PLCG1: variants seen among roughly 807,000 people sequenced by gnomAD.
PLCG1 encodes the protein phospholipase C gamma 1.
Under a neutral mutation model 177.8 loss-of-function variants are expected in PLCG1, and 71 were observed. That is an observed-to-expected ratio of 0.40 (90% CI 0.33 to 0.49). PLCG1 has a LOEUF of 0.49. PLCG1 is among the 20% of genes least tolerant of loss of function. The pLI, the probability that PLCG1 is intolerant of heterozygous loss-of-function variation, is 0.72. For synonymous variants in PLCG1, 658 were observed against 647.9 expected (o/e 1.02, Z -0.24); for missense variants, 1,281 against 1,709.0 (o/e 0.75, Z 4.42).
rs1176945561 is a variant in PLCG1 at position 41,172,013 on chromosome 20, G to C, written c.2809-180G>C. On this transcript the variant is annotated intron_variant, in intron 24 of 31. Transcript: ENST00000685551. The surrounding 1 kb of genome is among the most constrained non-coding windows in gnomAD (Gnocchi z 7.0). ...CAGAAAAGAGGAAAGATGATTTCAGGATGAGGCTGAGGACAGAGCTCCCTC... is the reference window on the plus strand; with the variant it reads ...CAGAAAAGAGGAAAGATGATTTCAGCATGAGGCTGAGGACAGAGCTCCCTC... 6.6e-6 allele frequency among the ~76,000 whole-genome samples: 1 copy of C among 152,236 alleles called. No homozygotes were observed. The highest frequency in any genetic ancestry group is 1.5e-5 in the Non-Finnish European group (1 of 68,048).
At chr20:41,155,003 C>G (rs1288398587) in intron 1 of PLCG1, among the ~76,000 whole-genome samples, 1 of 152,206 alleles carries the variant, frequency 6.6e-6, no homozygotes, top group Non-Finnish European at 1.5e-5. Context: ...CCAGAAGCTC[C>G]GCTCTGAGTA....
chr20:41,159,614 C>T lies in PLCG1; in HGVS notation c.226C>T (p.Arg76Cys), dbSNP rs1470821503. The change falls in exon 2 of 32, where the codon CGT becomes TGT. Residue 76 changes from arginine (R) to cysteine (C), a missense_variant. By Grantham distance (180) the Arg-to-Cys change is radical (BLOSUM62 -3). Transcript: ENST00000685551. The surrounding 1 kb of genome is among the most constrained non-coding windows in gnomAD (Gnocchi z 6.0). Reference sequence around the variant, plus strand: ...CTTTGCTACCTTCCTAGTTGACATTCGTGAAATTAAGGAGATCCGCCCAGG... The same window carrying T: ...CTTTGCTACCTTCCTAGTTGACATTTGTGAAATTAAGGAGATCCGCCCAGG... ...ADKIEGAIDI[R>C]EIKEIRPGKT... is the part of the protein sequence containing the mutation. 16 of 1,613,986 alleles carry T rather than the reference C, an allele frequency of 9.9e-6. No homozygotes were observed. The highest frequency in any genetic ancestry group is 1.7e-4 in the Middle Eastern group (1 of 6,004).
In PLCG1 at chr20:41,167,160, T is replaced by A. The variant is rs1377825960; in HGVS notation, c.2301+301T>A. Among the ~76,000 whole-genome samples, 1 of 152,160 alleles carries A rather than the reference T, an allele frequency of 6.6e-6. No homozygotes were observed. Among genetic ancestry groups the A allele is most frequent in the Non-Finnish European group, 1.5e-5 (1 of 68,020 alleles). Reference sequence around the variant, plus strand: ...GAGAGGTGCACACAGTGGAAACTCATCCACCTGGGCTTGGCCTGGACTCTG... The same window carrying A: ...GAGAGGTGCACACAGTGGAAACTCAACCACCTGGGCTTGGCCTGGACTCTG... On this transcript the variant is annotated intron_variant, in intron 19 of 31. Transcript: ENST00000685551. The surrounding 1 kb of genome is among the most constrained non-coding windows in gnomAD (Gnocchi z 4.4).
chr20:41,172,416 C>T lies in PLCG1; in HGVS notation c.2906-5C>T. On this transcript the variant is annotated splice_region_variant and splice_polypyrimidine_tract_variant and intron_variant, in intron 25 of 31. Transcript: ENST00000685551. This position sits in a 1 kb window ranked among gnomAD's most constrained non-coding sequence, Gnocchi z 7.0. ...CTCTGTAAGTGTTTTCCCTGTTTGG[C>T]CCAGAGATTGGCACAGAACGTGCTT... 6.2e-7 allele frequency: 1 copy of T among 1,613,316 alleles called. No homozygotes were observed. Among genetic ancestry groups the T allele is most frequent in the Non-Finnish European group, 8.5e-7 (1 of 1,179,264 alleles).
In PLCG1 at chr20:41,173,718, T is replaced by C; in HGVS notation, c.3461T>C (p.Phe1154Ser). The part of the protein sequence containing the change: ...PFHFQISNPE[F>S]AFLRFVVYEE... Reference sequence around the variant, plus strand: ...CACTTCCAGATCAGTAACCCTGAATTTGCCTTTCTGCGCTTCGTGGTGTAT... The same window carrying C: ...CACTTCCAGATCAGTAACCCTGAATCTGCCTTTCTGCGCTTCGTGGTGTAT... Residue 1154 changes from phenylalanine to serine, a missense_variant, in exon 29 of 32, where the codon TTT becomes TCT. Coordinates refer to ENST00000685551, the MANE Select transcript of PLCG1 (RefSeq NM_002660.3). This position sits in a 1 kb window ranked among gnomAD's most constrained non-coding sequence, Gnocchi z 6.2. The C allele has an allele frequency of 1.2e-6, 2 of 1,614,150 alleles. No homozygotes were observed. The highest frequency in any genetic ancestry group is 4.5e-5 in the East Asian group (2 of 44,876).
chr20:41,169,777 T>C (rs2035833248), intron 23 of PLCG1: 2 of 576,744 alleles, frequency 3.5e-6, no homozygotes, highest in Non-Finnish European at 6.2e-6. Context: ...AAGTTGATGC[T>C]GCTGGTTGGC....
In PLCG1 at chr20:41,172,174, G is replaced by A; in HGVS notation, c.2809-19G>A. The A allele has an allele frequency of 6.3e-7, 1 of 1,591,126 alleles. No individual in the cohort carries two copies. The highest frequency in any genetic ancestry group is 8.6e-7 in the Non-Finnish European group (1 of 1,158,974). The stretch of plus-strand genomic sequence containing the variant: ...CAGGGCTGTAGCCTGGGGCTACAGG[G>A]CCTTGTGTGTGTCACCAGCTCACTG... On this transcript the variant is annotated intron_variant, in intron 24 of 31. Coordinates refer to ENST00000685551, the MANE Select transcript of PLCG1 (RefSeq NM_002660.3). This position sits in a 1 kb window ranked among gnomAD's most constrained non-coding sequence, Gnocchi z 7.0.
At position 41,160,761 on chromosome 20, in the gene PLCG1, A is replaced by G. The variant is rs927883990; in HGVS notation, c.512+608A>G. ...AGTGGCTGGATTTTGGCCATGTTGT[A>G]TTTTGAAGATAGCGCCAGAAAGAAT... On this transcript the variant is annotated intron_variant, in intron 4 of 31. Transcript: ENST00000685551. The surrounding 1 kb of genome is among the most constrained non-coding windows in gnomAD (Gnocchi z 5.5). 6.6e-6 allele frequency among the ~76,000 whole-genome samples: 1 copy of G among 152,162 alleles called. No homozygotes were observed. Among genetic ancestry groups the G allele is most frequent in the Non-Finnish European group, 1.5e-5 (1 of 68,040 alleles).
At position 41,159,760 on chromosome 20, in the gene PLCG1, T is replaced by TGGG; in HGVS notation, c.370+3_370+5dup. 1 of 1,613,956 alleles carries TGGG rather than the reference T, an allele frequency of 6.2e-7. No homozygotes were observed. The highest frequency in any genetic ancestry group is 2.2e-5 in the East Asian group (1 of 44,874). On this transcript the variant is annotated splice_region_variant and intron_variant, in intron 2 of 31. Transcript: ENST00000685551. The surrounding 1 kb of genome is among the most constrained non-coding windows in gnomAD (Gnocchi z 6.0). ...GCCTGAAAACGCTGAGCCTGCAAGG[T>TGGG]GGGAGTTAAGGGGGTAGAGGAGGTA...
In PLCG1 at chr20:41,170,127, G is replaced by A. The variant is rs1600672918; in HGVS notation, c.2666G>A (p.Gly889Asp). 6.2e-7 allele frequency: 1 copy of A among 1,613,110 alleles called. No individual in the cohort carries two copies. The highest frequency in any genetic ancestry group is 1.1e-5 in the South Asian group (1 of 90,948). ...PACQIAIRPEGKNNRLFVFSI... is the reference protein window; with the variant it reads ...PACQIAIRPEDKNNRLFVFSI... ...GCCCTCCCAGCCATCCGTCCTGAGG[G>A]CAAGAACAACCGGCTCTTCGTCTTC... The change falls in exon 24 of 32, where the codon GGC (glycine) becomes GAC (aspartate). Residue 889 changes from glycine (G) to aspartate (D), a missense_variant. By Grantham distance (94) the Gly-to-Asp change is moderately conservative. Transcript: ENST00000685551.
At position 41,159,592 on chromosome 20, in the gene PLCG1, T is replaced by C; in HGVS notation, c.218-14T>C. 1 of 1,613,062 alleles carries C rather than the reference T, an allele frequency of 6.2e-7. No individual in the cohort carries two copies. Among genetic ancestry groups the C allele is most frequent in the South Asian group, 1.1e-5 (1 of 91,010 alleles). The stretch of plus-strand genomic sequence containing the variant: ...GACCCCAGCTTGATCTTGGCCTCTT[T>C]GCTACCTTCCTAGTTGACATTCGTG... On this transcript the variant is annotated splice_polypyrimidine_tract_variant and intron_variant, in intron 1 of 31. Coordinates refer to ENST00000685551, the MANE Select transcript of PLCG1 (RefSeq NM_002660.3). The surrounding 1 kb of genome is among the most constrained non-coding windows in gnomAD (Gnocchi z 6.0).
At chr20:41,168,120 A>G (rs1373578839) in intron 20 of PLCG1, among the ~76,000 whole-genome samples, 191 bp downstream of exon 20, 3 of 152,090 alleles carry the variant, frequency 2.0e-5, no homozygotes, top group African/African-American at 4.8e-5. Flanking sequence ...CCCACTCCCT[A>G]GCCCCTACCC....
chr20:41,137,597 C>T lies in PLCG1; in HGVS notation c.-45C>T, dbSNP rs2034638536. ...CAGCCGCCGCCGTTGCGCTTGCTCC[C>T]GGGCGGTCCTGGCCTGTGCCGCCGC... On this transcript the variant is annotated 5_prime_UTR_variant, in exon 1 of 32. Transcript: ENST00000685551. The surrounding 1 kb of genome is among the most constrained non-coding windows in gnomAD (Gnocchi z 7.3). The T allele has an allele frequency of 8.4e-7, 1 of 1,192,874 alleles. No homozygotes were observed. 73.9% of individuals were successfully genotyped at this position (1,192,874 alleles called of 1,614,324 possible).
chr20:41,172,422 G>C lies in PLCG1; in HGVS notation c.2907G>C (p.Lys969Asn). Reference protein sequence around the residue: ...YCRPVPFDEEKIGTERACYRD... With the variant: ...YCRPVPFDEENIGTERACYRD... ...AAGTGTTTTCCCTGTTTGGCCCAGA[G>C]ATTGGCACAGAACGTGCTTGCTACC... The change falls in exon 26 of 32, where the codon AAG (lysine) becomes AAC (asparagine). Residue 969 changes from lysine to asparagine, a missense_variant and splice_region_variant. This residue lies in a region of PLCG1 where 723 missense variants were observed against 1,030.0 expected (regional missense o/e 0.70). Coordinates refer to ENST00000685551, the MANE Select transcript of PLCG1 (RefSeq NM_002660.3). This position sits in a 1 kb window ranked among gnomAD's most constrained non-coding sequence, Gnocchi z 7.0. 1 of 1,613,946 alleles carries C rather than the reference G, an allele frequency of 6.2e-7. No individual in the cohort carries two copies. Among genetic ancestry groups the C allele is most frequent in the South Asian group, 1.1e-5 (1 of 91,070 alleles).
chr20:41,171,353 G>A (rs1332082394), intron 24 of PLCG1, among the ~76,000 whole-genome samples: 6 of 152,144 alleles, frequency 3.9e-5, no homozygotes, highest in African/African-American at 1.2e-4. Context: ...TTGGGAGGCC[G>A]AGATGGGCAG....
chr20:41,154,778 C>T (rs2035267354), intron 1 of PLCG1, among the ~76,000 whole-genome samples: 1 of 152,236 alleles, frequency 6.6e-6, no homozygotes, highest in African/African-American at 2.4e-5. Flanking sequence ...CACCCTCTCT[C>T]CCCACTCAGT....
chr20:41,146,107 C>T lies in PLCG1; in HGVS notation c.217+8249C>T, dbSNP rs2034987768. On this transcript the variant is annotated intron_variant, in intron 1 of 31. Coordinates refer to ENST00000685551, the MANE Select transcript of PLCG1 (RefSeq NM_002660.3). This position sits in a 1 kb window ranked among gnomAD's most constrained non-coding sequence, Gnocchi z 6.3. The stretch of plus-strand genomic sequence containing the variant: ...CCCTTCCTGGTGTTGGCCGGTGGCC[C>T]TGGCTTCAGCAAGACTCAGGATGCA... Among the ~76,000 whole-genome samples the T allele has an allele frequency of 6.6e-6, 1 of 152,218 alleles. No individual in the cohort carries two copies. The highest frequency in any genetic ancestry group is 2.4e-5 in the African/African-American group (1 of 41,456).
At position 41,153,991 on chromosome 20, in the gene PLCG1, G is replaced by T. The variant is rs1228871480; in HGVS notation, c.218-5615G>T. ...TGGCCATATCTTCATCATTTGGTGG[G>T]TTTAGTTTTCAATATGTCCTCCTGT... On this transcript the variant is annotated intron_variant, in intron 1 of 31. Coordinates refer to ENST00000685551, the MANE Select transcript of PLCG1 (RefSeq NM_002660.3). The surrounding 1 kb of genome is among the most constrained non-coding windows in gnomAD (Gnocchi z 5.1). Among the ~76,000 whole-genome samples, 1 of 152,182 alleles carries T rather than the reference G, an allele frequency of 6.6e-6. No homozygotes were observed.
rs1472818178 is a variant in PLCG1, at chr20:41,174,137, A to G, written c.3659A>G (p.Asp1220Gly). The change falls in exon 31 of 32, where the codon GAC (aspartate) becomes GGC (glycine). Residue 1220 changes from aspartate (D) to glycine (G), a missense_variant. Transcript: ENST00000685551. This position sits in a 1 kb window ranked among gnomAD's most constrained non-coding sequence, Gnocchi z 5.8. ...GCTTCGTTGAAGCAGGAGAATGGTGACCTCAGTCCCTTCAGTGGTACGTCC... is the reference window on the plus strand; with the variant it reads ...GCTTCGTTGAAGCAGGAGAATGGTGGCCTCAGTCCCTTCAGTGGTACGTCC... ...DIFPAKQENGDLSPFSGTSLR... is the reference protein window; with the variant it reads ...DIFPAKQENGGLSPFSGTSLR... 5.6e-6 allele frequency: 9 copies of G among 1,612,858 alleles called. No homozygotes were observed. Among genetic ancestry groups the G allele is most frequent in the Non-Finnish European group, 7.6e-6 (9 of 1,179,114 alleles).
Sources: gnomAD v4.1 joint callset for allele counts (sites outside exome capture counted in the v4.1 genomes callset) on GRCh38, gnomAD v4.1.1 for gene constraint, gnomAD v4.1.1 regional missense constraint, Gnocchi (gnomAD v3.1) non-coding constraint, MANE v1.5 for transcripts, NCBI Gene and HGNC (gene_info 2026-07-23, HGNC 2026-07-21) for gene names.